VAV3: variants seen among roughly 807,000 people sequenced by gnomAD.
VAV3 encodes the protein guanine nucleotide exchange factor VAV3.
VAV3 carries 94 observed loss-of-function variants against 131.2 expected under a neutral mutation model. That is an observed-to-expected ratio of 0.72 (90% CI 0.61 to 0.85). VAV3 has a LOEUF of 0.85. VAV3 is among the 40% of genes least tolerant of loss of function. The pLI is 0.00. For missense variants in VAV3, 939 were observed against 1,002.7 expected (o/e 0.94, Z 0.86); for synonymous variants, 349 against 342.0 (o/e 1.02, Z -0.22).
chr1:107,755,448 A>C lies in VAV3; in HGVS notation c.1152T>G (p.Phe384Leu). 6.2e-7 allele frequency: 1 copy of C among 1,613,350 alleles called. No homozygotes were observed. Among genetic ancestry groups the C allele is most frequent in the African/African-American group, 1.3e-5 (1 of 75,048 alleles). The stretch of plus-strand genomic sequence containing the variant: ...ATACCAAATTCTCTATAGATAGCTG[A>C]AACTGTTTAATTTCACGAAGGGTCT... ...DNETLREIKQ[F>L]QLSIENLNQP... Residue 384 changes from phenylalanine (F) to leucine (L), a missense_variant, in exon 12 of 27, where the codon TTT becomes TTG. By Grantham distance (22) the Phe-to-Leu change is conservative. Coordinates refer to ENST00000370056, the MANE Select transcript of VAV3 (RefSeq NM_006113.5).
At chr1:107,930,547 C>T (rs887178345) in intron 1 of VAV3, among the ~76,000 whole-genome samples, 1 of 152,106 alleles carries the variant, frequency 6.6e-6, no homozygotes, top group Non-Finnish European at 1.5e-5. Context: ...ATATGTATTA[C>T]ACTTTCAGGG....
intron 21 of VAV3, among the ~76,000 whole-genome samples, chr1:107,616,485 A>G (rs530313311): frequency 6.6e-6 from 1 of 152,306 alleles, no homozygotes; most frequent in East Asian, 1.9e-4. Context: ...CCTATCAGGT[A>G]CTATGCTTAG....
At chr1:107,624,959 A>G (rs894245269) in intron 20 of VAV3, among the ~76,000 whole-genome samples, 1 of 152,152 alleles carries the variant, frequency 6.6e-6, no homozygotes, top group African/African-American at 2.4e-5. Context: ...TTGATCAGGA[A>G]AAAACCTGTG....
At chr1:107,795,606 G>T (rs78651845) in intron 2 of VAV3, among the ~76,000 whole-genome samples, 3,375 of 152,230 alleles carry the variant, frequency 0.022, 62 homozygotes, top group Non-Finnish European at 0.031. Context: ...ATCTTTTAAG[G>T]TTATTTCCCC....
chr1:107,684,348 T>C (rs892950180), intron 18 of VAV3, among the ~76,000 whole-genome samples: 5 of 152,264 alleles, frequency 3.3e-5, no homozygotes, highest in Admixed American at 2.0e-4. Context: ...TCATACAATC[T>C]AGATTTTCAC....
intron 15 of VAV3, among the ~76,000 whole-genome samples, chr1:107,735,716 T>G (rs1662575761): frequency 6.6e-6 from 1 of 152,264 alleles, no homozygotes; most frequent in African/African-American, 2.4e-5. Context: ...CAATAATTAA[T>G]AGCCTAACAA....
chr1:107,731,962 A>G (rs1270526083), intron 15 of VAV3, among the ~76,000 whole-genome samples: 1 of 152,198 alleles, frequency 6.6e-6, no homozygotes, highest in Non-Finnish European at 1.5e-5. Context: ...TAATTATTTG[A>G]AGCGAAAGCA....
chr1:107,720,302 G>GAGGCTGAGGTGAAAGGATCACTTC (rs1661407352), intron 15 of VAV3, among the ~76,000 whole-genome samples: 1 of 151,678 alleles, frequency 6.6e-6, no homozygotes, highest in Admixed American at 6.6e-5. Flanking sequence ...AGGATCACTT[G>GAGGCTGAGGTGAAAGGATCACTTC]AGCCCAGGAT....
At chr1:107,714,687 A>G (rs973574796) in intron 15 of VAV3, among the ~76,000 whole-genome samples, 1 of 152,152 alleles carries the variant, frequency 6.6e-6, no homozygotes, top group Non-Finnish European at 1.5e-5. Flanking sequence ...AAAGGGCAAG[A>G]AAACGAAAAA....
At chr1:107,672,687 A>G (rs1657906068) in intron 19 of VAV3, among the ~76,000 whole-genome samples, 1 of 152,172 alleles carries the variant, frequency 6.6e-6, no homozygotes, top group African/African-American at 2.4e-5. Context: ...TTAGAAAAGC[A>G]CCAAATCTTG....
At chr1:107,642,984 C>T (rs1305502726) in intron 19 of VAV3, among the ~76,000 whole-genome samples, 1 of 152,100 alleles carries the variant, frequency 6.6e-6, no homozygotes, top group Non-Finnish European at 1.5e-5. Flanking sequence ...GTTTTCCTCT[C>T]CCTTACCATC....
chr1:107,906,738 A>G (rs1672128549), intron 1 of VAV3, among the ~76,000 whole-genome samples: 1 of 152,178 alleles, frequency 6.6e-6, no homozygotes, highest in Non-Finnish European at 1.5e-5. Context: ...ATCTCTAAAT[A>G]CTAAATACCT....
chr1:107,821,622 A>C (rs1268213523), intron 2 of VAV3, among the ~76,000 whole-genome samples: 5 of 152,200 alleles, frequency 3.3e-5, no homozygotes, highest in Non-Finnish European at 5.9e-5. Flanking sequence ...TCCACAGTAA[A>C]ATGGAAGACA....
chr1:107,829,640 G>A (rs1020192079), intron 2 of VAV3, among the ~76,000 whole-genome samples: 1 of 151,970 alleles, frequency 6.6e-6, no homozygotes, highest in Admixed American at 6.6e-5. Context: ...GCAGTCACAA[G>A]TAGCTTAACA....
chr1:107,667,538 A>T (rs2101654708), intron 19 of VAV3, among the ~76,000 whole-genome samples: 1 of 152,254 alleles, frequency 6.6e-6, no homozygotes, highest in Middle Eastern at 3.4e-3. Context: ...ATTTATGATA[A>T]GGTTTATTGC....
intron 12 of VAV3, among the ~76,000 whole-genome samples, chr1:107,754,971 G>A (rs954333688): frequency 6.6e-6 from 1 of 151,900 alleles, no homozygotes; most frequent in African/African-American, 2.4e-5. Context: ...ATCTCAATAT[G>A]GCATTTTTAA....
chr1:107,944,602 T>TTTTG (rs546614216), intron 1 of VAV3, among the ~76,000 whole-genome samples: 57 of 152,134 alleles, frequency 3.7e-4, no homozygotes, highest in African/African-American at 1.3e-3. Context: ...AAACGCAGTT[T>TTTTG]TTTGTTTGTT....
Position 107,833,694 on chromosome 1 carries a change from G to A in VAV3, c.321+41207C>T, listed in dbSNP as rs553867102. 3.9e-5 allele frequency among the ~76,000 whole-genome samples: 6 copies of A among 152,180 alleles called. No individual in the cohort carries two copies. In the South Asian group the frequency reaches 6.2e-4, roughly 16 times the overall value. On this transcript the variant is annotated intron_variant, in intron 2 of 26. Coordinates refer to ENST00000370056, the MANE Select transcript of VAV3 (RefSeq NM_006113.5). ...ATCAATTATACAGTGTGTTTATGAC[G>A]TGTGGTCAGTGCCTATTTCACTCCC...
rs189004669 is a variant in VAV3 at position 107,941,658 on chromosome 1, C to T, written c.204+23008G>A. 4.2e-3 allele frequency among the ~76,000 whole-genome samples: 638 copies of T among 152,274 alleles called. 2 individuals are homozygous for T. Among genetic ancestry groups the T allele is most frequent in the Middle Eastern group, 0.017 (5 of 294 alleles). Reference sequence around the variant, plus strand: ...ATCCCTCATGTTAAATTTTCATACACTGATCCCATTTTCTTTTGAGAAAAC... The same window carrying T: ...ATCCCTCATGTTAAATTTTCATACATTGATCCCATTTTCTTTTGAGAAAAC... On this transcript the variant is annotated intron_variant, in intron 1 of 26. Transcript: ENST00000370056.
Sources: gnomAD v4.1 joint callset for allele counts (sites outside exome capture counted in the v4.1 genomes callset) on GRCh38, gnomAD v4.1.1 for gene constraint, MANE v1.5 for transcripts, NCBI Gene and HGNC (gene_info 2026-07-23, HGNC 2026-07-21) for gene names.